Variants in MDGA2 observed in about 807,000 individuals in gnomAD.
MDGA2 encodes MAM domain-containing glycosylphosphatidylinositol anchor protein 2.
In MDGA2, 40 loss-of-function variants were observed where a neutral mutation model predicts 117.8. The ratio of observed to expected loss-of-function variants is 0.34; its 90% CI spans 0.26 to 0.44. The LOEUF (loss-of-function observed/expected upper bound fraction) is 0.44. Among genes scored for constraint, MDGA2 ranks in the 20% least tolerant of loss-of-function variants. The pLI, the probability that MDGA2 is intolerant of heterozygous loss-of-function variation, is 1.00. For missense variants in MDGA2, 1,123 were observed against 1,250.6 expected (o/e 0.90, Z 1.54); for synonymous variants, 452 against 439.0 (o/e 1.03, Z -0.37).
At chr14:47,051,180 G>A (rs1271574511) in intron 7 of MDGA2, among the ~76,000 whole-genome samples, 1 of 151,878 alleles carries the variant, frequency 6.6e-6, no homozygotes, top group Non-Finnish European at 1.5e-5. Flanking sequence ...AAGTCAGGTG[G>A]AAGTGAACAC....
At position 46,884,777 on chromosome 14, in the gene MDGA2, AACAT is replaced by A. The variant is rs1286736407; in HGVS notation, c.2239-2560_2239-2557del. On this transcript the variant is annotated intron_variant, in intron 10 of 16. Transcript: ENST00000399232. The surrounding 1 kb of genome is among the most constrained non-coding windows in gnomAD (Gnocchi z 4.1). ...AGGAGTATTAAACAATTAAATTTAA[AACAT>A]ACAATTTAAATCAGTTAGGAAAAAT... is the stretch of plus-strand genomic sequence containing the variant. 6.6e-6 allele frequency among the ~76,000 whole-genome samples: 1 copy of A among 152,146 alleles called. No homozygotes were observed. The highest frequency in any genetic ancestry group is 1.5e-5 in the Non-Finnish European group (1 of 68,030).
intron 3 of MDGA2, among the ~76,000 whole-genome samples, chr14:47,160,830 T>A (rs375926368): frequency 2.8e-4 from 43 of 152,186 alleles, no homozygotes; most frequent in Middle Eastern, 3.2e-3. Flanking sequence ...AGATACTTAA[T>A]CACATTTCTA....
intron 1 of MDGA2, among the ~76,000 whole-genome samples, chr14:47,450,702 GA>G (rs955447702): frequency 3.9e-5 from 6 of 151,908 alleles, no homozygotes; most frequent in Non-Finnish European, 7.4e-5. Flanking sequence ...TAATAACGGG[GA>G]AAAAAGTTGT....
chr14:47,244,869 C>G (rs1887186057), intron 2 of MDGA2, among the ~76,000 whole-genome samples: 1 of 151,638 alleles, frequency 6.6e-6, no homozygotes, highest in Non-Finnish European at 1.5e-5. Flanking sequence ...TCTTCTACCT[C>G]TTCCATCCCT....
intron 4 of MDGA2, among the ~76,000 whole-genome samples, chr14:47,134,142 T>C (rs752825682): frequency 6.6e-6 from 1 of 152,062 alleles, no homozygotes; most frequent in Admixed American, 6.6e-5. Context: ...AATCTAATTA[T>C]GCCATCTCCT....
At chr14:47,572,391 G>A (rs990830418) in intron 1 of MDGA2, among the ~76,000 whole-genome samples, 26 of 152,142 alleles carry the variant, frequency 1.7e-4, no homozygotes, top group African/African-American at 6.0e-4. Context: ...GCTTAAATCA[G>A]AAATATTTGG....
At chr14:47,554,840 T>G (rs1398537868) in intron 1 of MDGA2, among the ~76,000 whole-genome samples, 1 of 152,184 alleles carries the variant, frequency 6.6e-6, no homozygotes, top group Admixed American at 6.5e-5. Context: ...GTGTGGAAAC[T>G]GAGAACAAAA....
At position 46,855,123 on chromosome 14, in the gene MDGA2, C is replaced by T. The variant is rs768577267; in HGVS notation, c.2784G>A (p.Gly928=). The T allele has an allele frequency of 2.5e-6, 4 of 1,608,948 alleles. No individual in the cohort carries two copies. The highest frequency in any genetic ancestry group is 3.4e-6 in the Non-Finnish European group (4 of 1,177,562). Residue 928 remains glycine (G), a synonymous_variant, in exon 15 of 17, where the codon GGG becomes GGA. Transcript: ENST00000399232. This position sits in a 1 kb window ranked among gnomAD's most constrained non-coding sequence, Gnocchi z 4.1. ...ACAGTGGATTCTCTATTGTTGTTTG[C>T]CCTTTCAAACGTAGATAAACATTTA... ...GVLNVYLRLK[G]QTTIENPLWS... is the part of the protein sequence containing the mutation.
intron 2 of MDGA2, among the ~76,000 whole-genome samples, chr14:47,294,884 T>C (rs1033445753): frequency 6.6e-6 from 1 of 152,166 alleles, no homozygotes; most frequent in Non-Finnish European, 1.5e-5. Context: ...GCATAGAAGA[T>C]TAACAAGGAC....
intron 9 of MDGA2, among the ~76,000 whole-genome samples, chr14:46,954,122 C>T (rs1595066060): frequency 6.6e-6 from 1 of 151,920 alleles, no homozygotes; most frequent in East Asian, 1.9e-4. Context: ...CCTGAAACCT[C>T]GCAGGTTGAT....
intron 5 of MDGA2, among the ~76,000 whole-genome samples, chr14:47,126,495 T>A (rs1566639143): frequency 6.6e-6 from 1 of 152,182 alleles, no homozygotes; most frequent in East Asian, 1.9e-4. Context: ...ACAAATTAAT[T>A]AACACTTTCT....
intron 10 of MDGA2, among the ~76,000 whole-genome samples, chr14:46,902,182 A>T (rs1289108985): frequency 1.3e-5 from 2 of 152,048 alleles, no homozygotes; most frequent in African/African-American, 4.8e-5. Flanking sequence ...AGTTTAGTTG[A>T]TTTTTTTCAA....
intron 1 of MDGA2, among the ~76,000 whole-genome samples, chr14:47,562,802 C>G (rs1377057183): frequency 6.6e-6 from 1 of 152,018 alleles, no homozygotes; most frequent in Non-Finnish European, 1.5e-5. Flanking sequence ...TTCTCCAATT[C>G]CTCCACTTGT....
At chr14:46,881,034 AC>A (rs1161589911) in intron 11 of MDGA2, among the ~76,000 whole-genome samples, 1 of 151,674 alleles carries the variant, frequency 6.6e-6, no homozygotes, top group Non-Finnish European at 1.5e-5. Context: ...ACACACACAC[AC>A]ACACACAAAC....
chr14:47,639,686 T>G (rs1897387427), intron 1 of MDGA2, among the ~76,000 whole-genome samples: 1 of 152,168 alleles, frequency 6.6e-6, no homozygotes, highest in Non-Finnish European at 1.5e-5. Flanking sequence ...TGTTCTATGT[T>G]TCCATGTGTT....
intron 4 of MDGA2, among the ~76,000 whole-genome samples, chr14:47,143,134 C>T (rs1381356805): frequency 2.6e-5 from 4 of 152,012 alleles, no homozygotes; most frequent in African/African-American, 4.8e-5. Flanking sequence ...CAGGCACGTG[C>T]CACCATGCCC....
chr14:47,671,157 T>A (rs951752596), intron 1 of MDGA2, among the ~76,000 whole-genome samples: 1 of 152,202 alleles, frequency 6.6e-6, no homozygotes, highest in Non-Finnish European at 1.5e-5. Flanking sequence ...AGTTAAGAGA[T>A]AATCTCCCTC....
intron 1 of MDGA2, among the ~76,000 whole-genome samples, chr14:47,303,401 C>T (rs2139818209): frequency 6.6e-6 from 1 of 152,232 alleles, no homozygotes; most frequent in South Asian, 2.1e-4. Context: ...AATTTTCCAT[C>T]ATGTCTCTGG....
chr14:47,525,772 T>C (rs1894961016), intron 1 of MDGA2, among the ~76,000 whole-genome samples: 1 of 152,034 alleles, frequency 6.6e-6, no homozygotes, highest in Admixed American at 6.5e-5. Context: ...AGTTTTATTA[T>C]GGTGTGTCCA....
Sources: gnomAD v4.1 joint callset for allele counts (sites outside exome capture counted in the v4.1 genomes callset) on GRCh38, gnomAD v4.1.1 for gene constraint, Gnocchi (gnomAD v3.1) non-coding constraint, MANE v1.5 for transcripts, NCBI Gene and HGNC (gene_info 2026-07-23, HGNC 2026-07-21) for gene names.